CELF4: variants seen among roughly 807,000 people sequenced by gnomAD.
CELF4 encodes the protein CUGBP Elav-like family member 4.
In CELF4, 18 loss-of-function variants were observed where a neutral mutation model predicts 59.9. That is an observed-to-expected ratio of 0.30 (90% CI 0.21 to 0.45). The LOEUF (loss-of-function observed/expected upper bound fraction) is 0.45, where lower values mean the gene tolerates loss of function less well. Ranked by LOEUF, CELF4 falls within the 20% of genes least tolerant of loss-of-function variation. CELF4 has a pLI of 1.00. For missense variants in CELF4, 456 were observed against 689.0 expected, an observed-to-expected ratio of 0.66 and a Z score of 3.79; for synonymous variants, 261 against 267.1, an observed-to-expected ratio of 0.98 and a Z score of 0.22.
intron 1 of CELF4, among the ~76,000 whole-genome samples, chr18:37,503,052 G>T (rs1183417846): frequency 6.6e-6 from 1 of 152,208 alleles, no homozygotes; most frequent in Admixed American, 6.5e-5. Context: ...CCACCACGGT[G>T]CAGAGGATAC....
chr18:37,547,481 C>T (rs1018141547), intron 1 of CELF4, among the ~76,000 whole-genome samples: 2 of 152,130 alleles, frequency 1.3e-5, no homozygotes, highest in Admixed American at 1.3e-4. Context: ...CTGTCTATAG[C>T]CAGTGCCTGG....
intron 3 of CELF4, among the ~76,000 whole-genome samples, chr18:37,280,037 G>A (rs1330594570): frequency 6.6e-6 from 1 of 152,200 alleles, no homozygotes; most frequent in Non-Finnish European, 1.5e-5. Flanking sequence ...AGAGGGCTGG[G>A]CAACAGGACG....
intron 2 of CELF4, among the ~76,000 whole-genome samples, chr18:37,456,803 A>G (rs1479114488): frequency 6.6e-6 from 1 of 152,116 alleles, no homozygotes; most frequent in Non-Finnish European, 1.5e-5. Flanking sequence ...AAAGATCCAC[A>G]TGCCATTCTC....
intron 1 of CELF4, among the ~76,000 whole-genome samples, chr18:37,511,463 T>C (rs547384792): frequency 1.3e-5 from 2 of 152,130 alleles, no homozygotes; most frequent in South Asian, 4.2e-4. Context: ...TGGGCCTCCC[T>C]CAGGACTTGA....
intron 2 of CELF4, among the ~76,000 whole-genome samples, chr18:37,387,534 C>T (rs1279162113): frequency 6.6e-6 from 1 of 152,222 alleles, no homozygotes; most frequent in East Asian, 1.9e-4. Flanking sequence ...TGCCAGTCTC[C>T]ACCCCGAGAG....
chr18:37,461,493 G>A (rs1244000141), intron 2 of CELF4, among the ~76,000 whole-genome samples: 1 of 152,186 alleles, frequency 6.6e-6, no homozygotes, highest in Non-Finnish European at 1.5e-5. Flanking sequence ...AGAACAGCAT[G>A]AGGGGAACCG....
intron 2 of CELF4, among the ~76,000 whole-genome samples, chr18:37,352,156 T>A (rs1342147309): frequency 2.6e-5 from 4 of 152,248 alleles, no homozygotes; most frequent in African/African-American, 9.6e-5. Flanking sequence ...ATTTTTATCC[T>A]GGGTGTGCAA....
At chr18:37,351,534 A>C (rs2098440402) in intron 2 of CELF4, among the ~76,000 whole-genome samples, 1 of 151,454 alleles carries the variant, frequency 6.6e-6, no homozygotes, top group Non-Finnish European at 1.5e-5. Context: ...TTTTACTTTG[A>C]TATTATATTC....
chr18:37,282,103 C>T (rs576236443), intron 3 of CELF4, among the ~76,000 whole-genome samples: 50 of 152,278 alleles, frequency 3.3e-4, no homozygotes, highest in Admixed American at 2.9e-3. Flanking sequence ...GTTTTTAGCA[C>T]GTGCGTGGCA....
At chr18:37,505,506 C>T (rs908703876) in intron 1 of CELF4, among the ~76,000 whole-genome samples, 1 of 152,088 alleles carries the variant, frequency 6.6e-6, no homozygotes, top group African/African-American at 2.4e-5. Context: ...GGAGCCGAAA[C>T]GTCGGTGGGT....
chr18:37,411,874 C>T (rs1157032299), intron 2 of CELF4, among the ~76,000 whole-genome samples: 1 of 152,222 alleles, frequency 6.6e-6, no homozygotes, highest in Middle Eastern at 3.2e-3. Context: ...CCAGCCAGGA[C>T]CCGTGTCCAG....
intron 6 of CELF4, chr18:37,273,395 A>G: frequency 7.9e-7 from 1 of 1,270,814 alleles, no homozygotes; most frequent in Non-Finnish European, 9.9e-7. Flanking sequence ...GGTCTTTGGA[A>G]CTCCAAAGTT....
chr18:37,439,464 G>T (rs1405412461), intron 2 of CELF4, among the ~76,000 whole-genome samples: 1 of 152,168 alleles, frequency 6.6e-6, no homozygotes, highest in Non-Finnish European at 1.5e-5. Flanking sequence ...GAGCTCATGA[G>T]GGTTGTGCCA....
At chr18:37,269,071 G>T (rs112655602) in intron 8 of CELF4, among the ~76,000 whole-genome samples, 2 of 152,122 alleles carry the variant, frequency 1.3e-5, no homozygotes, top group Admixed American at 6.6e-5. Flanking sequence ...TGGGCAGGAA[G>T]GGGTGGGAAA....
intron 10 of CELF4, among the ~76,000 whole-genome samples, chr18:37,263,188 G>A (rs2075771467): frequency 6.6e-6 from 1 of 152,154 alleles, no homozygotes; most frequent in South Asian, 2.1e-4. Context: ...GAGGCTGAGG[G>A]GATAGAGTGA....
chr18:37,463,173 T>C (rs1384006185), intron 2 of CELF4, among the ~76,000 whole-genome samples: 1 of 152,158 alleles, frequency 6.6e-6, no homozygotes, highest in Non-Finnish European at 1.5e-5. Context: ...TCAAAAATGA[T>C]TAAGAATTTC....
intron 1 of CELF4, among the ~76,000 whole-genome samples, chr18:37,513,527 G>A (rs2099946921): frequency 6.6e-6 from 1 of 152,158 alleles, no homozygotes; most frequent in Non-Finnish European, 1.5e-5. Flanking sequence ...TACTGGGCAG[G>A]GGCGTGGACC....
intron 2 of CELF4, among the ~76,000 whole-genome samples, chr18:37,351,026 C>G (rs557202383): frequency 1.3e-5 from 2 of 152,338 alleles, no homozygotes; most frequent in South Asian, 2.1e-4. Flanking sequence ...CCACCTCCCC[C>G]CTTCTTTCAG....
chr18:37,249,874 G>A (rs2064364808), intron 12 of CELF4, among the ~76,000 whole-genome samples: 1 of 152,148 alleles, frequency 6.6e-6, no homozygotes, highest in Non-Finnish European at 1.5e-5. Flanking sequence ...CTACAGCCTG[G>A]CCCTGTATAG....
Sources: allele counts gnomAD v4.1 joint callset (sites outside exome capture counted in the v4.1 genomes callset), GRCh38; gene constraint gnomAD v4.1.1; transcripts MANE v1.5; gene names NCBI Gene and HGNC (gene_info 2026-07-23, HGNC 2026-07-21).